The following PCDH11X variants were observed in gnomAD, a reference collection of about 807,000 sequenced individuals.
PCDH11X encodes the protein protocadherin-11 X-linked.
PCDH11X carries 18 observed loss-of-function variants against 53.3 expected under a neutral mutation model. That is an observed-to-expected ratio of 0.34 (90% CI 0.23 to 0.50). The LOEUF is 0.50. Among genes scored for constraint, PCDH11X ranks in the 20% least tolerant of loss-of-function variants. The pLI is 0.98. For synonymous variants in PCDH11X, 279 were observed against 393.3 expected (o/e 0.71, Z 3.44); for missense variants, 570 against 1,032.4 (o/e 0.55, Z 6.14).
intron 6 of PCDH11X, among the ~76,000 whole-genome samples, chrX:92,136,243 A>G (rs1209819785): frequency 9.0e-6 from 1 of 110,682 alleles, no homozygotes; most frequent in African/African-American, 3.3e-5. Flanking sequence ...ATTTGGGGGA[A>G]GCTTATTCCA....
intron 5 of PCDH11X, among the ~76,000 whole-genome samples, chrX:91,857,367 A>G (rs1302860875): frequency 1.8e-5 from 2 of 111,428 alleles, no homozygotes; most frequent in African/African-American, 6.5e-5. Context: ...CAGCGAAACC[A>G]TATTTTTCTG....
chrX:92,228,232 A>T (rs915235079), intron 7 of PCDH11X, among the ~76,000 whole-genome samples: 3 of 111,854 alleles, frequency 2.7e-5, no homozygotes, highest in Non-Finnish European at 5.6e-5. Flanking sequence ...CAATAAATGT[A>T]TACTGATTAA....
chrX:91,831,180 A>G (rs987887720), intron 4 of PCDH11X, among the ~76,000 whole-genome samples: 2 of 111,290 alleles, frequency 1.8e-5, no homozygotes, highest in African/African-American at 6.5e-5. Flanking sequence ...TCTAATTGTC[A>G]TTATTGTGTC....
rs183864760 is a variant in PCDH11X, at chrX:92,622,898, G to C, written c.*3958G>C. 4.1e-4 allele frequency: 46 copies of C among 111,333 alleles called. 1 individual carries two copies. In the East Asian group the frequency reaches 0.012, roughly 30 times the overall value. 9.2% of individuals were successfully genotyped at this position (111,333 alleles called of 1,213,427 possible). A position where few individuals can be genotyped will look rare whatever the true frequency, so the allele number is the denominator to read the frequency against. ...TGTGCACAAATAAAAAAAATTAATG[G>C]CAATTGTTTAGTGATTGTAAGTGAT... is the stretch of plus-strand genomic sequence containing the variant. On this transcript the variant is annotated 3_prime_UTR_variant, in exon 11 of 11. Coordinates refer to ENST00000682573, the MANE Select transcript of PCDH11X (RefSeq NM_032968.5).
chrX:92,431,540 C>A (rs1206400861), intron 9 of PCDH11X, among the ~76,000 whole-genome samples: 3 of 110,242 alleles, frequency 2.7e-5, no homozygotes, highest in African/African-American at 9.9e-5. Context: ...GAAACTGAAG[C>A]TATTATTTTG....
At chrX:92,605,596 A>G (rs1926705906) in intron 10 of PCDH11X, among the ~76,000 whole-genome samples, 1 of 112,231 alleles carries the variant, frequency 8.9e-6, no homozygotes, top group Non-Finnish European at 1.9e-5. Context: ...AAATCTATTA[A>G]AAACTTGTTA....
chrX:91,875,321 C>T (rs1177980786), intron 5 of PCDH11X, among the ~76,000 whole-genome samples: 3 of 90,300 alleles, frequency 3.3e-5, no homozygotes, highest in Non-Finnish European at 6.3e-5. Flanking sequence ...CTCACTCTGT[C>T]GCCCAGGCTG....
intron 6 of PCDH11X, chrX:91,982,846 C>T (rs2525312): frequency 6.7e-5 from 60 of 896,960 alleles, no homozygotes; most frequent in Middle Eastern, 4.0e-4. Flanking sequence ...GCTGCTATTT[C>T]GAAACGCGTG....
chrX:92,044,115 T>C (rs190572848), intron 6 of PCDH11X, among the ~76,000 whole-genome samples: 5 of 110,742 alleles, frequency 4.5e-5, no homozygotes, highest in East Asian at 5.7e-4. Context: ...GATTTGAATT[T>C]TTTTAATATT....
chrX:91,934,615 A>G lies in PCDH11X; in HGVS notation c.3033+55342A>G, dbSNP rs1439250871. 2.8e-5 allele frequency among the ~76,000 whole-genome samples: 3 copies of G among 106,069 alleles called. 1 individual carries two copies. Among genetic ancestry groups the G allele is most frequent in the Non-Finnish European group, 5.8e-5 (3 of 51,447 alleles). The allele number at this position is 106,069 out of a possible 115,157, so 92.1% of individuals were successfully genotyped here. A position where few individuals can be genotyped will look rare whatever the true frequency, so the allele number is the denominator to read the frequency against. ...TAGGGGCACCTTATCCGATTCTTCA[A>G]AACTATATGGAAATAGTTTAAATTA... On this transcript the variant is annotated intron_variant, in intron 6 of 10. Transcript: ENST00000682573.
chrX:91,905,134 G>GTTA (rs755614801), intron 6 of PCDH11X, among the ~76,000 whole-genome samples: 127 of 83,742 alleles, frequency 1.5e-3, no homozygotes, highest in Non-Finnish European at 2.4e-3. Context: ...TATTATTATT[G>GTTA]TTATTATTAT....
At chrX:92,242,150 G>A (rs1325085377) in intron 7 of PCDH11X, among the ~76,000 whole-genome samples, 3 of 108,398 alleles carry the variant, frequency 2.8e-5, no homozygotes, top group Non-Finnish European at 1.9e-5. Context: ...CTCTCCTGTT[G>A]CCGTTTTATA....
At chrX:92,387,641 C>A in intron 8 of PCDH11X, 94 bp from the exon 9 acceptor site, 1 of 1,203,919 alleles carries the variant, frequency 8.3e-7, no homozygotes, top group Non-Finnish European at 1.1e-6. Context: ...TGTGTCTTCA[C>A]CAGATAGCCG....
chrX:92,029,069 G>T (rs1387375091), intron 6 of PCDH11X, among the ~76,000 whole-genome samples: 3 of 110,560 alleles, frequency 2.7e-5, no homozygotes, highest in Non-Finnish European at 1.9e-5. Flanking sequence ...AGTTAATGTA[G>T]CTTCCAGAAA....
At chrX:92,545,119 G>A (rs1469717834) in intron 10 of PCDH11X, among the ~76,000 whole-genome samples, 1 of 111,436 alleles carries the variant, frequency 9.0e-6, no homozygotes, top group Non-Finnish European at 1.9e-5. Context: ...GGCCATTATA[G>A]CTTTTGGTAC....
intron 6 of PCDH11X, among the ~76,000 whole-genome samples, chrX:92,182,315 A>G (rs1307702438): frequency 8.9e-6 from 1 of 111,977 alleles, no homozygotes; most frequent in Non-Finnish European, 1.9e-5. Flanking sequence ...CCCCCATTGT[A>G]TTTAGGAAGT....
At chrX:92,188,153 G>A (rs2066131374) in intron 6 of PCDH11X, among the ~76,000 whole-genome samples, 1 of 111,288 alleles carries the variant, frequency 9.0e-6, no homozygotes, top group African/African-American at 3.3e-5. Context: ...AGTAACTGGG[G>A]AAGTGATGAG....
chrX:92,263,020 A>G, intron 7 of PCDH11X, 94 bp from the exon 8 acceptor site: 3 of 1,106,474 alleles, frequency 2.7e-6, no homozygotes, highest in Non-Finnish European at 3.6e-6. Flanking sequence ...TTCAAAAAAA[A>G]AAAAAATGTA....
chrX:92,146,813 G>A (rs2065274277), intron 6 of PCDH11X, among the ~76,000 whole-genome samples: 1 of 110,317 alleles, frequency 9.1e-6, no homozygotes, highest in Non-Finnish European at 1.9e-5. Flanking sequence ...AGCCTGGCCA[G>A]CAAGGCGAAA....
Sources: allele counts gnomAD v4.1 joint callset (sites outside exome capture counted in the v4.1 genomes callset), GRCh38; gene constraint gnomAD v4.1.1; transcripts MANE v1.5; gene names NCBI Gene and HGNC (gene_info 2026-07-23, HGNC 2026-07-21).